Variants in USO1 observed in about 807,000 individuals in gnomAD.
USO1 encodes USO1 vesicle transport factor, also known as general vesicular transport factor p115.
In USO1, 57 loss-of-function variants were observed where a neutral mutation model predicts 124.5. The ratio of observed to expected loss-of-function variants is 0.46; its 90% confidence interval spans 0.37 to 0.57. USO1 has a LOEUF of 0.57. Among genes scored for constraint, USO1 ranks in the 20% least tolerant of loss-of-function variants. USO1 has a pLI of 0.00. For missense variants in USO1, 900 were observed against 1,040.6 expected (o/e 0.86, Z 1.86); for synonymous variants, 369 against 362.8 (o/e 1.02, Z -0.19).
intron 1 of USO1, among the ~76,000 whole-genome samples, chr4:75,731,864 AG>A (rs1456948148): frequency 3.3e-5 from 5 of 152,246 alleles, no homozygotes; most frequent in South Asian, 2.1e-4. Flanking sequence ...CTTAAAAAAA[AG>A]AATTGTGAAA....
At chr4:75,791,593 C>G (rs1722535382) in intron 12 of USO1, among the ~76,000 whole-genome samples, 1 of 152,062 alleles carries the variant, frequency 6.6e-6, no homozygotes, top group Admixed American at 6.6e-5. Flanking sequence ...GTCTGTTGTT[C>G]TAGTATAGGT....
intron 7 of USO1, among the ~76,000 whole-genome samples, chr4:75,771,785 A>G (rs530139693): frequency 6.6e-6 from 1 of 152,268 alleles, no homozygotes; most frequent in East Asian, 1.9e-4. Flanking sequence ...AATATTTTGT[A>G]TTTGATGCTG....
At chr4:75,812,454 GAAA>G in intron 23 of USO1, 79 bp downstream of exon 23, 1 of 1,492,468 alleles carries the variant, frequency 6.7e-7, no homozygotes, top group South Asian at 1.3e-5. Flanking sequence ...ATGTAACATG[GAAA>G]AGTTGTGCCT....
intron 4 of USO1, among the ~76,000 whole-genome samples, chr4:75,762,404 C>T (rs746102862): frequency 4.6e-4 from 70 of 151,860 alleles, no homozygotes; most frequent in Non-Finnish European, 7.2e-4. Context: ...CTTCATGATC[C>T]GCCCTTCTTG....
Position 75,812,237 on chromosome 4 carries a change from T to A in USO1, c.2661T>A (p.Ile887=). 6.2e-7 allele frequency: 1 copy of A among 1,610,236 alleles called. No individual in the cohort carries two copies. Among genetic ancestry groups the A allele is most frequent in the Middle Eastern group, 1.7e-4 (1 of 6,056 alleles). Residue 887 remains isoleucine, a synonymous_variant, in exon 23 of 24, where the codon ATT becomes ATA. Transcript: ENST00000514213. ...QLDSSNSTIA[I]LQTEKDKLEL... is the part of the protein sequence containing the mutation. ...ATTCATCTAATAGTACCATTGCCAT[T>A]TTACAAACTGAGAAAGACAAACTAG...
intron 1 of USO1, among the ~76,000 whole-genome samples, chr4:75,751,726 G>T (rs1270170758): frequency 6.6e-6 from 1 of 151,466 alleles, no homozygotes; most frequent in Non-Finnish European, 1.5e-5. Flanking sequence ...ATCTTTTCAG[G>T]GGGGCCGAGG....
chr4:75,781,739 C>G (rs923075814), intron 8 of USO1, among the ~76,000 whole-genome samples: 1 of 147,546 alleles, frequency 6.8e-6, no homozygotes, highest in African/African-American at 2.4e-5. Context: ...CCTAAAACTG[C>G]TCTAAAAAAT....
intron 10 of USO1, among the ~76,000 whole-genome samples, chr4:75,789,731 A>G (rs11935073): frequency 0.14 from 21,168 of 151,834 alleles, 2,534 homozygotes; most frequent in African/African-American, 0.32. Flanking sequence ...CTTAAATTGA[A>G]TTTTTTAACT....
rs370197470 is a variant in USO1, at chr4:75,810,580, G to A, written c.2583+41G>A. On this transcript the variant is annotated intron_variant, in intron 22 of 23. Coordinates refer to ENST00000514213, the MANE Select transcript of USO1 (RefSeq NM_003715.4). ...AACTTTTATTTACTGCATATGATAT[G>A]AAATGAACTCTAGGAAATTTTATAT... The A allele has an allele frequency of 3.2e-5, 50 of 1,542,438 alleles. No individual in the cohort carries two copies. In the African/African-American group the frequency reaches 6.1e-4, roughly 19 times the overall value.
rs755816333 is a variant in USO1, at chr4:75,788,863, ATAAG to A, written c.997-1283_997-1280del. Among the ~76,000 whole-genome samples, 34 of 152,324 alleles carry A rather than the reference ATAAG, an allele frequency of 2.2e-4. No individual in the cohort carries two copies. The South Asian group carries it at 2.3e-3, about 10-fold the overall frequency. The stretch of plus-strand genomic sequence containing the variant: ...TTGTCTTAATTTTCTAAAAAAAAGA[ATAAG>A]TAACGAGAAATTTTTTTATTTTTTG... On this transcript the variant is annotated intron_variant, in intron 10 of 23. Coordinates refer to ENST00000514213, the MANE Select transcript of USO1 (RefSeq NM_003715.4).
intron 12 of USO1, among the ~76,000 whole-genome samples, chr4:75,793,341 G>A (rs1722585054): frequency 6.6e-6 from 1 of 151,124 alleles, no homozygotes; most frequent in Non-Finnish European, 1.5e-5. Flanking sequence ...CTCCCGAGTA[G>A]CTGGGACTGC....
At chr4:75,773,229 A>G (rs554929880) in intron 7 of USO1, among the ~76,000 whole-genome samples, 39 of 152,156 alleles carry the variant, frequency 2.6e-4, no homozygotes. Context: ...GTCTATTTAT[A>G]TTGGTTTTTA....
intron 1 of USO1, among the ~76,000 whole-genome samples, chr4:75,737,881 G>A (rs1408274563): frequency 6.6e-6 from 1 of 151,892 alleles, no homozygotes; most frequent in Non-Finnish European, 1.5e-5. Context: ...AGGCTGGAGT[G>A]TAGTGGCGTG....
At chr4:75,787,474 C>A (rs1722395738) in intron 10 of USO1, among the ~76,000 whole-genome samples, 1 of 152,042 alleles carries the variant, frequency 6.6e-6, no homozygotes, top group African/African-American at 2.4e-5. Flanking sequence ...TTATATTCAA[C>A]AGGAGTGCAC....
In USO1 at chr4:75,786,992, A is replaced by G. The variant is rs910365887; in HGVS notation, c.856-70A>G. 11 of 1,453,410 alleles carry G rather than the reference A, an allele frequency of 7.6e-6. No homozygotes were observed. In the African/African-American group the frequency reaches 1.2e-4, roughly 15 times the overall value. 90.0% of individuals were successfully genotyped at this position (1,453,410 alleles called of 1,614,324 possible). On this transcript the variant is annotated intron_variant, in intron 9 of 23. Transcript: ENST00000514213. ...ACTTCATGCAGACTTTCTTGTTCACATAGATCAGATTTGCCTCAAGCCTTT... is the reference window on the plus strand; with the variant it reads ...ACTTCATGCAGACTTTCTTGTTCACGTAGATCAGATTTGCCTCAAGCCTTT...
chr4:75,806,490 C>A lies in USO1; in HGVS notation c.2294C>A (p.Ser765Tyr). ...TTATTTTTGTGCTATTTGCAGAAAT[C>A]TTCCCAAACATCTGGCACAAATGAA... ...EKDSMIENMKSSQTSGTNEQS... is the reference protein window; with the variant it reads ...EKDSMIENMKYSQTSGTNEQS... The change falls in exon 20 of 24, where the codon TCT becomes TAT. Residue 765 changes from serine to tyrosine, a missense_variant. Physicochemically the swap from Ser to Tyr is moderately radical, Grantham distance 144. Coordinates refer to ENST00000514213, the MANE Select transcript of USO1 (RefSeq NM_003715.4). 3 of 1,556,770 alleles carry A rather than the reference C, an allele frequency of 1.9e-6. No homozygotes were observed. The highest frequency in any genetic ancestry group is 3.3e-4 in the Middle Eastern group (2 of 5,978).
At chr4:75,738,269 C>A (rs927834179) in intron 1 of USO1, among the ~76,000 whole-genome samples, 36 of 151,862 alleles carry the variant, frequency 2.4e-4, no homozygotes, top group Non-Finnish European at 4.3e-4. Context: ...CCAGCCTGGC[C>A]AACATGGTCA....
Position 75,805,152 on chromosome 4 carries a change from A to G in USO1, c.2138A>G (p.Gln713Arg), listed in dbSNP as rs1722956951. 2.5e-6 allele frequency: 4 copies of G among 1,578,670 alleles called. No individual in the cohort carries two copies. Among genetic ancestry groups the G allele is most frequent in the Non-Finnish European group, 3.4e-6 (4 of 1,167,324 alleles). Residue 713 changes from glutamine to arginine, a missense_variant, in exon 19 of 24, where the codon CAG (glutamine) becomes CGG (arginine). Around this residue, in one of 2 missense-constraint regions of USO1, gnomAD observed 362 missense variants for 359.0 expected, o/e 1.01. Coordinates refer to ENST00000514213, the MANE Select transcript of USO1 (RefSeq NM_003715.4). The part of the protein sequence containing the change: ...LLKIQLGKDN[Q>R]HQGSYSEGAQ... ...GTCTGTCTAACAGGAAAAGACAATC[A>G]GCATCAAGGTTCTTACAGTGAGGGG... is the stretch of plus-strand genomic sequence containing the variant.
At chr4:75,760,389 G>A (rs976639800) in intron 4 of USO1, among the ~76,000 whole-genome samples, 17 of 152,030 alleles carry the variant, frequency 1.1e-4, no homozygotes, top group Non-Finnish European at 2.1e-4. Flanking sequence ...AATCTGTCTC[G>A]TAGTCCTAAA....
Sources: gnomAD v4.1 joint callset for allele counts (sites outside exome capture counted in the v4.1 genomes callset) on GRCh38, gnomAD v4.1.1 for gene constraint, gnomAD v4.1.1 regional missense constraint, MANE v1.5 for transcripts, NCBI Gene and HGNC (gene_info 2026-07-23, HGNC 2026-07-21) for gene names.